Variants in MYO9A observed in about 807,000 individuals in gnomAD.
MYO9A encodes the protein myosin IXA.
In MYO9A, 103 loss-of-function variants were observed where a neutral mutation model predicts 293.3. That is an observed-to-expected ratio of 0.35 (90% CI 0.30 to 0.41). The LOEUF is 0.41. MYO9A is among the 10% of genes least tolerant of loss of function. The probability of loss-of-function intolerance (pLI) is 1.00; values close to 1 mark genes in which losing one functional copy is unlikely to be tolerated. For synonymous variants in MYO9A, 1,001 were observed against 1,035.7 expected (o/e 0.97, Z 0.64); for missense variants, 2,685 against 3,033.0 (o/e 0.89, Z 2.69).
At position 72,021,008 on chromosome 15, in the gene MYO9A, A is replaced by G. The variant is rs1213684488; in HGVS notation, c.1008T>C (p.His336=). 2.6e-6 allele frequency: 4 copies of G among 1,553,932 alleles called. No individual in the cohort carries two copies. Among genetic ancestry groups the G allele is most frequent in the Non-Finnish European group, 3.5e-6 (4 of 1,157,490 alleles). ...CTCCTGCCAGGAGGTAATAGAATAC[A>G]TGATAGTTCCTGTGGGAAACAAAGA... is the stretch of plus-strand genomic sequence containing the variant. ...VYQEHNERNY[H]VFYYLLAGAS... is the part of the protein sequence containing the mutation. The change falls in exon 5 of 42, where the codon CAT becomes CAC. Residue 336 remains histidine (H), a synonymous_variant. Transcript: ENST00000356056.
intron 1 of MYO9A, among the ~76,000 whole-genome samples, chr15:72,070,847 C>G (rs527625535): frequency 6.6e-6 from 1 of 152,150 alleles, no homozygotes; most frequent in African/African-American, 2.4e-5. Flanking sequence ...TACTGGCTAC[C>G]CATATGCAGA....
intron 18 of MYO9A, among the ~76,000 whole-genome samples, chr15:71,931,459 G>C (rs996870598): frequency 6.6e-6 from 1 of 152,192 alleles, no homozygotes; most frequent in African/African-American, 2.4e-5. Context: ...AAAATCTGAT[G>C]ATAGTCTTGT....
Position 71,824,262 on chromosome 15 carries a change from C to G in MYO9A, c.*2318G>C, listed in dbSNP as rs1352589591. The G allele has an allele frequency of 2.0e-5, 3 of 152,098 alleles. No homozygotes were observed. Among genetic ancestry groups the G allele is most frequent in the Admixed American group, 6.5e-5 (1 of 15,272 alleles). 9.4% of individuals were successfully genotyped at this position (152,098 alleles called of 1,614,324 possible). ...AGGTCCCTGAGAAAAATTATAAAGT[C>G]TCTTAACATCCATCACCTAGTTCCT... On this transcript the variant is annotated 3_prime_UTR_variant, in exon 42 of 42. Coordinates refer to ENST00000356056, the MANE Select transcript of MYO9A (RefSeq NM_006901.4).
chr15:72,068,089 A>G (rs2079074619), intron 1 of MYO9A, among the ~76,000 whole-genome samples: 1 of 152,192 alleles, frequency 6.6e-6, no homozygotes, highest in African/African-American at 2.4e-5. Flanking sequence ...TTACTAGTTT[A>G]ACATACTTGC....
chr15:71,897,408 T>C, intron 25 of MYO9A, 53 bp downstream of exon 25: 1 of 1,514,784 alleles, frequency 6.6e-7, no homozygotes, highest in East Asian at 2.3e-5. Flanking sequence ...GGCACCTTAA[T>C]AAAAATACTC....
intron 1 of MYO9A, among the ~76,000 whole-genome samples, chr15:72,115,975 ATTG>A (rs567301152): frequency 2.5e-3 from 387 of 152,364 alleles, no homozygotes; most frequent in Admixed American, 3.7e-3. Context: ...TTCCATATGT[ATTG>A]TTAAGAAATG....
chr15:71,835,372 G>A (rs1567180757), intron 39 of MYO9A, among the ~76,000 whole-genome samples: 1 of 152,150 alleles, frequency 6.6e-6, no homozygotes, highest in Non-Finnish European at 1.5e-5. Flanking sequence ...TGAATGATAT[G>A]ACTGTACAGG....
At position 72,018,917 on chromosome 15, in the gene MYO9A, TCTTC is replaced by T. The variant is rs2046135559; in HGVS notation, c.1155+118_1155+121del. On this transcript the variant is annotated intron_variant, in intron 6 of 41. Coordinates refer to ENST00000356056, the MANE Select transcript of MYO9A (RefSeq NM_006901.4). ...TCAAAAGAAATGAAACATTGATTTA[TCTTC>T]CTTCCTAGGATTCTTTGTATTTCAG... 3 of 741,168 alleles carry T rather than the reference TCTTC, an allele frequency of 4.0e-6. No individual in the cohort carries two copies. The African/African-American group carries it at 5.3e-5, about 13-fold the overall frequency. The allele number at this position is 741,168 out of a possible 1,614,324, so 45.9% of individuals were successfully genotyped here.
Position 71,967,977 on chromosome 15 carries a change from T to C in MYO9A, c.1986+7A>G, listed in dbSNP as rs369168528. Reference sequence around the variant, plus strand: ...CTGTAAGCATATTCAGTGAGAAATTTACTGACCTTTACCCCATATTTTACT... The same window carrying C: ...CTGTAAGCATATTCAGTGAGAAATTCACTGACCTTTACCCCATATTTTACT... On this transcript the variant is annotated splice_region_variant and intron_variant, in intron 13 of 41. Coordinates refer to ENST00000356056, the MANE Select transcript of MYO9A (RefSeq NM_006901.4). 4 of 1,602,510 alleles carry C rather than the reference T, an allele frequency of 2.5e-6. No homozygotes were observed. Among genetic ancestry groups the C allele is most frequent in the Non-Finnish European group, 3.4e-6 (4 of 1,174,624 alleles).
At chr15:72,100,832 G>A (rs1431721690) in intron 1 of MYO9A, among the ~76,000 whole-genome samples, 2 of 151,002 alleles carry the variant, frequency 1.3e-5, no homozygotes, top group African/African-American at 2.4e-5. Context: ...AGTGAGGAGC[G>A]TCTCCGCCCG....
intron 12 of MYO9A, among the ~76,000 whole-genome samples, chr15:71,974,206 C>G (rs2076082289): frequency 6.6e-6 from 1 of 151,978 alleles, no homozygotes; most frequent in Non-Finnish European, 1.5e-5. Context: ...CCTACCATGT[C>G]CAACAAAGAG....
chr15:71,984,034 A>C (rs1441253024), intron 11 of MYO9A, among the ~76,000 whole-genome samples: 2 of 152,198 alleles, frequency 1.3e-5, no homozygotes, highest in African/African-American at 2.4e-5. Flanking sequence ...AAAGATAGAG[A>C]TGTCCCTGAC....
At chr15:72,019,149 A>T in intron 5 of MYO9A, 54 bp from the exon 6 acceptor site, 1 of 1,439,990 alleles carries the variant, frequency 6.9e-7, no homozygotes, top group Non-Finnish European at 9.8e-7. Context: ...TACTCTTCTA[A>T]TGATCTCTTA....
chr15:71,898,466 G>A lies in MYO9A; in HGVS notation c.4037C>T (p.Ser1346Phe). ...YEESQKSKLE[S>F]VISDEGDLQF... is the part of the protein sequence containing the mutation. ...CAAGTCTCCTTCATCTGAAATGACA[G>A]ACTCTAGTTTGCTCTTTTGGCTTTC... The change falls in exon 25 of 42, where the codon TCT (serine) becomes TTT (phenylalanine). Residue 1346 changes from serine (S) to phenylalanine (F), a missense_variant. Ser to Phe is a radical substitution (Grantham distance 155, BLOSUM62 -2). Transcript: ENST00000356056. 6.2e-7 allele frequency: 1 copy of A among 1,613,950 alleles called. No homozygotes were observed. The highest frequency in any genetic ancestry group is 1.1e-5 in the South Asian group (1 of 91,070).
rs1338558839 is a variant in MYO9A at position 72,118,042 on chromosome 15, A to C, written c.-434T>G. The stretch of plus-strand genomic sequence containing the variant: ...TGTCCTGTACTCTCTCAACAGACAC[A>C]GCCAACCGCCGCCGCGTCCCTTATC... On this transcript the variant is annotated 5_prime_UTR_variant, in exon 1 of 42. Transcript: ENST00000356056. 5.0e-6 allele frequency: 2 copies of C among 396,294 alleles called. No individual in the cohort carries two copies. Among genetic ancestry groups the C allele is most frequent in the Non-Finnish European group, 8.9e-6 (2 of 224,594 alleles). The allele number at this position is 396,294 out of a possible 1,614,324, so 24.5% of individuals were successfully genotyped here.
intron 14 of MYO9A, among the ~76,000 whole-genome samples, chr15:71,952,987 G>C (rs1419658185): frequency 6.6e-6 from 1 of 152,072 alleles, no homozygotes; most frequent in Non-Finnish European, 1.5e-5. Context: ...ATTTGGCAAT[G>C]GAGAGGGAAT....
intron 1 of MYO9A, among the ~76,000 whole-genome samples, chr15:72,113,536 T>C (rs2080858014): frequency 6.6e-6 from 1 of 152,212 alleles, no homozygotes; most frequent in African/African-American, 2.4e-5. Flanking sequence ...TGCTACAGTT[T>C]AAACTCTATC....
At chr15:71,841,297 T>C (rs1259474196) in intron 39 of MYO9A, among the ~76,000 whole-genome samples, 1 of 152,242 alleles carries the variant, frequency 6.6e-6, no homozygotes, top group Non-Finnish European at 1.5e-5. Context: ...CATTGCCTTT[T>C]CTGATTTTAA....
rs965787825 is a variant in MYO9A at position 72,062,237 on chromosome 15, G to A, written c.-71-15603C>T. Reference sequence around the variant, plus strand: ...TTGAAAACCTTCTAAAGGAGGACAGGTACAAAAAAGCCCAGACAGCAAAGG... The same window carrying A: ...TTGAAAACCTTCTAAAGGAGGACAGATACAAAAAAGCCCAGACAGCAAAGG... On this transcript the variant is annotated intron_variant, in intron 1 of 41. Coordinates refer to ENST00000356056, the MANE Select transcript of MYO9A (RefSeq NM_006901.4). 5.3e-5 allele frequency among the ~76,000 whole-genome samples: 8 copies of A among 152,188 alleles called. No individual in the cohort carries two copies. The East Asian group carries it at 1.2e-3, about 22-fold the overall frequency.
Sources: allele counts gnomAD v4.1 joint callset (sites outside exome capture counted in the v4.1 genomes callset), GRCh38; gene constraint gnomAD v4.1.1; transcripts MANE v1.5; gene names NCBI Gene and HGNC (gene_info 2026-07-23, HGNC 2026-07-21).